TPD52: variants seen among roughly 807,000 people sequenced by gnomAD.
TPD52 encodes the protein prostate and colon associated protein.
A neutral mutation model predicts 31.3 loss-of-function variants in TPD52; 17 were observed. The ratio of observed to expected loss-of-function variants is 0.54; its 90% CI spans 0.37 to 0.82. The LOEUF (loss-of-function observed/expected upper bound fraction) is 0.82. Among genes scored for constraint, TPD52 ranks in the 40% least tolerant of loss-of-function variants. TPD52 has a pLI of 0.00. For missense variants in TPD52, 212 were observed against 240.1 expected (o/e 0.88, Z 0.77); for synonymous variants, 83 against 89.6 (o/e 0.93, Z 0.42).
chr8:80,164,196 A>G (rs758721720), intron 1 of TPD52, among the ~76,000 whole-genome samples: 1 of 152,088 alleles, frequency 6.6e-6, no homozygotes, highest in East Asian at 1.9e-4. Context: ...CTAGAAAAAA[A>G]CTGACAGAAA....
At chr8:80,051,700 T>A in intron 3 of TPD52, 72 bp from the exon 4 acceptor site, 1 of 1,252,192 alleles carries the variant, frequency 8.0e-7, no homozygotes, top group Non-Finnish European at 1.1e-6. Context: ...TTGTTTCAAG[T>A]GCAGTGGTCA....
chr8:80,050,578 C>CT, intron 4 of TPD52, 107 bp from the exon 5 acceptor site: 1 of 1,051,568 alleles, frequency 9.5e-7, no homozygotes, highest in Non-Finnish European at 1.4e-6. Flanking sequence ...GGGCTCTAAA[C>CT]TGCTACACAA....
intron 1 of TPD52, among the ~76,000 whole-genome samples, chr8:80,084,301 T>C (rs1815562705): frequency 6.6e-6 from 1 of 152,198 alleles, no homozygotes; most frequent in South Asian, 2.1e-4. Flanking sequence ...TCAGATCTGG[T>C]CCACGCAGAC....
chr8:80,039,459 T>A (rs1810174110), intron 7 of TPD52, among the ~76,000 whole-genome samples: 1 of 151,872 alleles, frequency 6.6e-6, no homozygotes, highest in Non-Finnish European at 1.5e-5. Flanking sequence ...TCTAAATAGC[T>A]CTAGACTTGG....
chr8:80,159,035 A>T (rs1433080475), intron 1 of TPD52: 2 of 151,936 alleles, frequency 1.3e-5, no homozygotes. Context: ...ATTGAGCACT[A>T]TGTCCAATAT....
chr8:80,089,109 C>T (rs1816053669), intron 1 of TPD52, among the ~76,000 whole-genome samples: 1 of 152,206 alleles, frequency 6.6e-6, no homozygotes, highest in Admixed American at 6.5e-5. Flanking sequence ...TTCCATTGTT[C>T]AAACCACCTA....
intron 1 of TPD52, among the ~76,000 whole-genome samples, chr8:80,094,950 G>A (rs182308171): frequency 2.6e-4 from 39 of 152,226 alleles, no homozygotes; most frequent in African/African-American, 9.1e-4. Context: ...ACAATAAGGA[G>A]GGTAATTGTC....
chr8:80,171,377 AGCCCG>A, intron 1 of TPD52, 43 bp downstream of exon 1: 1 of 1,585,594 alleles, frequency 6.3e-7, no homozygotes, highest in Non-Finnish European at 8.5e-7. Context: ...CCCGAGTCCA[AGCCCG>A]AGTCCAAGCC....
intron 1 of TPD52, 117 bp from the exon 2 acceptor site, chr8:80,064,710 C>CT: frequency 1.3e-6 from 1 of 757,674 alleles, no homozygotes; most frequent in Non-Finnish European, 2.4e-6. Flanking sequence ...CACATCTCAT[C>CT]TCTGGATATT....
intron 1 of TPD52, among the ~76,000 whole-genome samples, chr8:80,165,523 G>C (rs565603194): frequency 1.3e-5 from 2 of 152,284 alleles, no homozygotes; most frequent in East Asian, 3.9e-4. Flanking sequence ...GTGTTAAGAA[G>C]GGCACCCAAA....
Position 80,102,499 on chromosome 8 carries a change from C to T in TPD52, c.20-37906G>A, listed in dbSNP as rs553278394. ...CCTGGTAACATGTGGGAGGCAACTA[C>T]ACGAGTGTGAAGACCAGATCATCAC... On this transcript the variant is annotated intron_variant, in intron 1 of 7. Transcript: ENST00000518937. Among the ~76,000 whole-genome samples, 9 of 152,330 alleles carry T rather than the reference C, an allele frequency of 5.9e-5. No homozygotes were observed. The South Asian group carries it at 1.0e-3, about 18-fold the overall frequency.
At chr8:80,116,787 A>G (rs1490838731) in intron 1 of TPD52, among the ~76,000 whole-genome samples, 1 of 152,162 alleles carries the variant, frequency 6.6e-6, no homozygotes, top group Non-Finnish European at 1.5e-5. Flanking sequence ...TAAAAAAAAA[A>G]AAAAAGTTTA....
chr8:80,063,048 A>C (rs1812714721), intron 2 of TPD52, among the ~76,000 whole-genome samples: 1 of 152,204 alleles, frequency 6.6e-6, no homozygotes, highest in South Asian at 2.1e-4. Context: ...ATATCTAGGC[A>C]TATATGAAAA....
chr8:80,117,980 C>A (rs1177474224), intron 1 of TPD52, among the ~76,000 whole-genome samples: 2 of 152,048 alleles, frequency 1.3e-5, no homozygotes, highest in African/African-American at 4.8e-5. Flanking sequence ...GATCCGCCCA[C>A]CTCAGCCTCC....
chr8:80,125,607 G>A (rs1042383936), intron 1 of TPD52, among the ~76,000 whole-genome samples: 1 of 150,962 alleles, frequency 6.6e-6, no homozygotes, highest in African/African-American at 2.4e-5. Context: ...AACCTAAGAT[G>A]CCACTGACTA....
At chr8:80,091,619 T>C (rs1816282645) in intron 1 of TPD52, among the ~76,000 whole-genome samples, 2 of 152,212 alleles carry the variant, frequency 1.3e-5, no homozygotes, top group African/African-American at 4.8e-5. Context: ...TTAGATACAA[T>C]AGACAGATTT....
chr8:80,162,583 A>T (rs1298139421), intron 1 of TPD52, among the ~76,000 whole-genome samples: 2 of 151,960 alleles, frequency 1.3e-5, no homozygotes, highest in Non-Finnish European at 2.9e-5. Context: ...GAATTGCATC[A>T]CTGCACTCTA....
chr8:80,161,770 C>T (rs1811381891), intron 1 of TPD52, among the ~76,000 whole-genome samples: 1 of 148,870 alleles, frequency 6.7e-6, no homozygotes, highest in African/African-American at 2.5e-5. Flanking sequence ...CGCTCTGTCA[C>T]CCAGACTGGA....
rs149046419 is a variant in TPD52, at chr8:80,131,604, C to G, written c.19+39821G>C. Among the ~76,000 whole-genome samples, 16 of 152,310 alleles carry G rather than the reference C, an allele frequency of 1.1e-4. No individual in the cohort carries two copies. The East Asian group carries it at 2.9e-3, about 28-fold the overall frequency. On this transcript the variant is annotated intron_variant, in intron 1 of 7. Coordinates refer to ENST00000518937, the MANE Select transcript of TPD52 (RefSeq NM_001025253.3). The stretch of plus-strand genomic sequence containing the variant: ...AGCAAGAGTCCTGGGCCACTACTAA[C>G]AGTTCACTTCCTCTACCCTTCATTC...
Sources: allele counts gnomAD v4.1 joint callset (sites outside exome capture counted in the v4.1 genomes callset), GRCh38; gene constraint gnomAD v4.1.1; transcripts MANE v1.5; gene names NCBI Gene and HGNC (gene_info 2026-07-23, HGNC 2026-07-21).